The following ACTR3C variants were observed in gnomAD, a reference collection of about 807,000 sequenced individuals.
ACTR3C encodes actin related protein 3C.
In ACTR3C, 18 loss-of-function variants were observed where a neutral mutation model predicts 26.3. The ratio of observed to expected loss-of-function variants is 0.68; its 90% confidence interval spans 0.47 to 1.01. The LOEUF is 1.01. Ranked by LOEUF, ACTR3C falls within the 50% of genes least tolerant of loss-of-function variation. The pLI is 0.00. For synonymous variants in ACTR3C, 55 were observed against 94.5 expected (o/e 0.58, Z 2.42); for missense variants, 184 against 250.7 (o/e 0.73, Z 1.80).
downstream of ACTR3C, among the ~76,000 whole-genome samples, chr7:150,239,792 C>T (rs956861091): frequency 2.7e-5 from 4 of 150,892 alleles, no homozygotes; most frequent in Admixed American, 6.6e-5. Context: ...CACTCTGTCA[C>T]CCAGATTGGA....
chr7:150,227,757 C>CT, the ACTR3C span, among the ~76,000 whole-genome samples: 9 of 126,118 alleles, frequency 7.1e-5, no homozygotes, highest in South Asian at 2.5e-4. Flanking sequence ...TTTGAAAAGA[C>CT]TTTTTTTTTT....
In ACTR3C at chr7:150,275,688, GT is replaced by G. The variant is rs370394446; in HGVS notation, c.564+9064del. Among the ~76,000 whole-genome samples the G allele has an allele frequency of 4.8e-3, 726 of 151,618 alleles. 7 individuals carry two copies. Among genetic ancestry groups the G allele is most frequent in the African/African-American group, 0.016 (679 of 41,196 alleles). On this transcript the variant is annotated intron_variant, in intron 6 of 7. Coordinates refer to ENST00000683684, the MANE Select transcript of ACTR3C (RefSeq NM_001164458.2). The stretch of plus-strand genomic sequence containing the variant: ...ATTACACCACTGCACTCCAGGCTGG[GT>G]GACAAGAGCGAAAACTCTGTCTCAA...
At chr7:150,177,755 T>C in the ACTR3C span, among the ~76,000 whole-genome samples, 1 of 150,842 alleles carries the variant, frequency 6.6e-6, no homozygotes, top group Non-Finnish European at 1.5e-5. Context: ...ATTTCTCATA[T>C]ATCCAGTGTT....
chr7:150,218,321 CT>C, the ACTR3C span, among the ~76,000 whole-genome samples: 1 of 152,232 alleles, frequency 6.6e-6, no homozygotes, highest in Non-Finnish European at 1.5e-5. Flanking sequence ...AAGCTGCAAA[CT>C]TTGCAGGCAA....
At chr7:150,023,338 C>CATAGATAT in the ACTR3C span, among the ~76,000 whole-genome samples, 1 of 46,054 alleles carries the variant, frequency 2.2e-5, no homozygotes, top group African/African-American at 7.2e-5. Context: ...TACATACATA[C>CATAGATAT]ATATATATTT....
At chr7:150,202,173 G>A in the ACTR3C span, among the ~76,000 whole-genome samples, 3 of 152,178 alleles carry the variant, frequency 2.0e-5, no homozygotes, top group Non-Finnish European at 4.4e-5. Context: ...CAACCCCGTA[G>A]AATGGTAACT....
the ACTR3C span, among the ~76,000 whole-genome samples, chr7:150,064,323 G>A: frequency 1.4e-5 from 2 of 147,692 alleles, no homozygotes; most frequent in Non-Finnish European, 3.0e-5. Context: ...GGGAGGCTGA[G>A]GTGGGCGGAT....
chr7:150,197,112 G>T, the ACTR3C span, among the ~76,000 whole-genome samples: 6 of 152,186 alleles, frequency 3.9e-5, no homozygotes, highest in African/African-American at 1.4e-4. Flanking sequence ...GTAGAGTCCA[G>T]GCTGAGTCCA....
At chr7:150,084,213 T>G in the ACTR3C span, among the ~76,000 whole-genome samples, 1 of 150,428 alleles carries the variant, frequency 6.6e-6, no homozygotes, top group Admixed American at 6.7e-5. Context: ...TTTATTACTA[T>G]GTATACCAGT....
At chr7:149,941,614 C>A in the ACTR3C span, among the ~76,000 whole-genome samples, 1 of 152,232 alleles carries the variant, frequency 6.6e-6, no homozygotes, top group African/African-American at 2.4e-5. Flanking sequence ...TACCTAGCAA[C>A]CTCCTGATCC....
chr7:150,034,272 T>TTAGAGACG, the ACTR3C span, among the ~76,000 whole-genome samples: 1 of 150,104 alleles, frequency 6.7e-6, no homozygotes, highest in African/African-American at 2.5e-5. Context: ...ACCTAGTTGT[T>TTAGAGACG]TAGAGACGTA....
chr7:149,995,069 T>C, the ACTR3C span, among the ~76,000 whole-genome samples: 32,017 of 151,422 alleles, frequency 0.21, 3,586 homozygotes, highest in South Asian at 0.3. Context: ...TGACCAGGCT[T>C]GTCTACAACT....
At chr7:150,293,869 G>A (rs1356326108) in intron 2 of ACTR3C, among the ~76,000 whole-genome samples, 2 of 152,170 alleles carry the variant, frequency 1.3e-5, no homozygotes, top group African/African-American at 2.4e-5. Context: ...CCAGAAGGTC[G>A]CAGCTAGAGT....
chr7:150,010,642 C>T, the ACTR3C span, among the ~76,000 whole-genome samples: 1 of 147,858 alleles, frequency 6.8e-6, no homozygotes, highest in Non-Finnish European at 1.5e-5. Context: ...TGCAGTGAGC[C>T]GAGATTGCGC....
the ACTR3C span, among the ~76,000 whole-genome samples, chr7:149,883,974 C>T: frequency 3.7e-5 from 5 of 133,340 alleles, no homozygotes; most frequent in Non-Finnish European, 4.8e-5. Context: ...GTAACAGGGA[C>T]GCCACAGGTT....
chr7:150,075,461 T>C, the ACTR3C span, among the ~76,000 whole-genome samples: 1 of 151,336 alleles, frequency 6.6e-6, no homozygotes, highest in Non-Finnish European at 1.5e-5. Context: ...AAGACTCTCA[T>C]TGGTTTATAT....
chr7:150,237,977 C>T, the ACTR3C span, among the ~76,000 whole-genome samples: 65 of 149,930 alleles, frequency 4.3e-4, no homozygotes, highest in African/African-American at 1.6e-3. Context: ...AGGACTAATA[C>T]ATTTTAATTC....
chr7:150,314,671 G>A (rs1796658781), intron 1 of ACTR3C, among the ~76,000 whole-genome samples: 1 of 151,554 alleles, frequency 6.6e-6, no homozygotes, highest in Non-Finnish European at 1.5e-5. Flanking sequence ...GGCTGAGCTT[G>A]GTGGCTCATG....
chr7:150,322,388 C>T (rs938635871), intron 1 of ACTR3C, among the ~76,000 whole-genome samples: 5 of 152,248 alleles, frequency 3.3e-5, no homozygotes, highest in South Asian at 2.1e-4. Flanking sequence ...GCTGGCTAAA[C>T]GCCACCAAAA....
Sources: allele counts gnomAD v4.1 joint callset (sites outside exome capture counted in the v4.1 genomes callset), GRCh38; gene constraint gnomAD v4.1.1; transcripts MANE v1.5; gene names NCBI Gene and HGNC (gene_info 2026-07-23, HGNC 2026-07-21).